GALP: variants seen among roughly 807,000 people sequenced by gnomAD.
GALP encodes the protein galanin-like peptide.
A neutral mutation model predicts 15.2 loss-of-function variants in GALP; 12 were observed. That is an observed-to-expected ratio of 0.79 (90% CI 0.51 to 1.28). GALP has a LOEUF of 1.28. Among genes scored for constraint, GALP ranks in the 50% most tolerant of loss-of-function variants. The pLI, the probability that GALP is intolerant of heterozygous loss-of-function variation, is 0.00. For synonymous variants in GALP, 58 were observed against 55.1 expected, an observed-to-expected ratio of 1.05 and a Z score of -0.23; for missense variants, 161 against 145.6, an observed-to-expected ratio of 1.11 and a Z score of -0.55.
intron 4 of GALP, among the ~76,000 whole-genome samples, chr19:56,182,801 GC>G (rs1290888793): frequency 6.6e-6 from 1 of 152,114 alleles, no homozygotes; most frequent in Non-Finnish European, 1.5e-5. Flanking sequence ...CAGGAGATCT[GC>G]CCCCATCAGT....
rs185606468 is a variant in GALP at position 56,179,356 on chromosome 19, A to G, written c.88-1230A>G. On this transcript the variant is annotated intron_variant, in intron 2 of 5. Transcript: ENST00000357330. ...GGAATTTCGCTCTGTGGCCCAGGCT[A>G]GAGTGCAGTGGCGCAATGTCAGCTC... Among the ~76,000 whole-genome samples, 345 of 145,622 alleles carry G rather than the reference A, an allele frequency of 2.4e-3. 2 individuals are homozygous for G. The highest frequency in any genetic ancestry group is 8.2e-3 in the African/African-American group (318 of 38,840).
At position 56,185,671 on chromosome 19, in the gene GALP, G is replaced by A. The variant is rs1382385977; in HGVS notation, c.*401G>A. 6.4e-6 allele frequency: 1 copy of A among 157,196 alleles called. No individual in the cohort carries two copies. The highest frequency in any genetic ancestry group is 1.4e-5 in the Non-Finnish European group (1 of 71,604). The allele number at this position is 157,196 out of a possible 1,614,324, so 9.7% of individuals were successfully genotyped here. On this transcript the variant is annotated 3_prime_UTR_variant, in exon 6 of 6. Transcript: ENST00000357330. Reference sequence around the variant, plus strand: ...TTTATTTGAAAAGATTCTTCAAATTGCGTACTTACTCCTCCATATTCTTTC... The same window carrying A: ...TTTATTTGAAAAGATTCTTCAAATTACGTACTTACTCCTCCATATTCTTTC...
chr19:56,183,679 C>G (rs567107329), intron 5 of GALP, among the ~76,000 whole-genome samples: 3 of 152,198 alleles, frequency 2.0e-5, no homozygotes, highest in Non-Finnish European at 4.4e-5. Context: ...CTGACTGCAA[C>G]CTCCACCTTC....
chr19:56,178,411 T>C (rs1193418260), intron 2 of GALP, among the ~76,000 whole-genome samples: 1 of 150,878 alleles, frequency 6.6e-6, no homozygotes, highest in Non-Finnish European at 1.5e-5. Flanking sequence ...TGCAATGAGC[T>C]GAGATGGTGC....
Position 56,180,915 on chromosome 19 carries a change from C to CTT in GALP, c.136+302_136+303dup, listed in dbSNP as rs1174325788. 4.5e-4 allele frequency among the ~76,000 whole-genome samples: 18 copies of CTT among 40,132 alleles called. 1 individual carries two copies. Among genetic ancestry groups the CTT allele is most frequent in the African/African-American group, 1.5e-3 (17 of 11,360 alleles). The allele number at this position is 40,132 out of a possible 152,430, so 26.3% of individuals were successfully genotyped here. On this transcript the variant is annotated intron_variant, in intron 3 of 5. Transcript: ENST00000357330. ...TCTTTCTTTCTTTCTTTCTTTCTTT[C>CTT]TTTTTTTTTTTTTTTTTTTTTTGAC...
At chr19:56,183,746 C>T (rs77910047) in intron 5 of GALP, among the ~76,000 whole-genome samples, 12,302 of 151,988 alleles carry the variant, frequency 0.081, 787 homozygotes, top group East Asian at 0.33. Flanking sequence ...TACAGGCACG[C>T]GCCACCATGT....
chr19:56,185,093 G>A (rs1389598150), intron 5 of GALP, 122 bp from the exon 6 acceptor site: 1 of 649,546 alleles, frequency 1.5e-6, no homozygotes, highest in Non-Finnish European at 2.8e-6. Context: ...CTGAGGTCAG[G>A]AGTTCAAGAC....
chr19:56,180,903 CTTTCTTTCTTTCTTT>C (rs1456166680), intron 3 of GALP, among the ~76,000 whole-genome samples: 9 of 83,176 alleles, frequency 1.1e-4, no homozygotes, highest in African/African-American at 4.8e-4. Context: ...TTCTTTCTTT[CTTTCTTTCTTTCTTT>C]TTTTTTTTTT....
intron 5 of GALP, among the ~76,000 whole-genome samples, chr19:56,184,484 C>CTTTTTTTTTTTTTTTTTTTTTT (rs11414322): frequency 1.7e-5 from 2 of 117,666 alleles, no homozygotes; most frequent in African/African-American, 3.3e-5. Context: ...TTTTCTTTTT[C>CTTTTTTTTTTTTTTTTTTTTTT]TTTTTTTTTT....
chr19:56,177,224 A>C (rs762666075), intron 2 of GALP, 29 bp downstream of exon 2: 4 of 1,568,260 alleles, frequency 2.6e-6, no homozygotes, highest in East Asian at 2.2e-5. Context: ...CCTCGGAAAC[A>C]ACAGTGTCCC....
At chr19:56,183,237 A>T (rs200987565) in intron 5 of GALP, 25 bp downstream of exon 5, 178 of 1,551,358 alleles carry the variant, frequency 1.1e-4, no homozygotes, top group Middle Eastern at 1.7e-4. Flanking sequence ...CACAGAAGAG[A>T]GACACCGACA....
intron 2 of GALP, among the ~76,000 whole-genome samples, chr19:56,179,631 A>G (rs1404056963): frequency 6.8e-6 from 1 of 146,306 alleles, no homozygotes; most frequent in Non-Finnish European, 1.5e-5. Context: ...TGTTGGAGGA[A>G]GAGCCTCTCT....
At chr19:56,181,920 A>C (rs1014106035) in intron 3 of GALP, among the ~76,000 whole-genome samples, 7 of 152,080 alleles carry the variant, frequency 4.6e-5, no homozygotes, top group Non-Finnish European at 1.0e-4. Flanking sequence ...AAAGAACGTG[A>C]GATGTGGACC....
rs149797647 is a variant in GALP at position 56,184,437 on chromosome 19, G to A, written c.296-778G>A. Among the ~76,000 whole-genome samples, 180 of 150,202 alleles carry A rather than the reference G, an allele frequency of 1.2e-3. 1 individual carries two copies. The highest frequency in any genetic ancestry group is 1.9e-3 in the Non-Finnish European group (131 of 67,708). ...CCCACCTTCCTTTAGTTGGATGTTCGCCCCAACCCCATCTCCTTCTTCAAT... is the reference window on the plus strand; with the variant it reads ...CCCACCTTCCTTTAGTTGGATGTTCACCCCAACCCCATCTCCTTCTTCAAT... On this transcript the variant is annotated intron_variant, in intron 5 of 5. Transcript: ENST00000357330.
chr19:56,177,462 G>A (rs1333804207), intron 2 of GALP, among the ~76,000 whole-genome samples: 1 of 146,040 alleles, frequency 6.8e-6, no homozygotes, highest in Non-Finnish European at 1.5e-5. Flanking sequence ...AGCGAGCCGA[G>A]ATTGTGCCAC....
intron 3 of GALP, among the ~76,000 whole-genome samples, chr19:56,180,926 T>C (rs2032556916): frequency 8.0e-6 from 1 of 124,856 alleles, no homozygotes; most frequent in African/African-American, 2.8e-5. Context: ...TTTTTTTTTT[T>C]TTTTTTTTTT....
intron 5 of GALP, among the ~76,000 whole-genome samples, chr19:56,184,484 C>CTTTTTTTTTTTTTTTT (rs11414322): frequency 8.5e-6 from 1 of 117,666 alleles, no homozygotes. Flanking sequence ...TTTTCTTTTT[C>CTTTTTTTTTTTTTTTT]TTTTTTTTTT....
chr19:56,179,650 T>G (rs2032528874), intron 2 of GALP, among the ~76,000 whole-genome samples: 1 of 150,672 alleles, frequency 6.6e-6, no homozygotes, highest in Admixed American at 6.6e-5. Flanking sequence ...CTTTTTTTTT[T>G]TTTTTTTCTT....
chr19:56,179,409 G>A (rs1248009827), intron 2 of GALP, among the ~76,000 whole-genome samples: 1 of 149,984 alleles, frequency 6.7e-6, no homozygotes, highest in Non-Finnish European at 1.5e-5. Context: ...CCAGGTTCAC[G>A]CCATTCTCGT....
Sources: allele counts gnomAD v4.1 joint callset (sites outside exome capture counted in the v4.1 genomes callset), GRCh38; gene constraint gnomAD v4.1.1; transcripts MANE v1.5; gene names NCBI Gene and HGNC (gene_info 2026-07-23, HGNC 2026-07-21).